Variants in UBR1 observed in about 807,000 individuals in gnomAD.
The protein encoded by UBR1 is ubiquitin protein ligase E3 component n-recognin 1.
In UBR1, 102 loss-of-function variants were observed where a neutral mutation model predicts 242.1. The ratio of observed to expected loss-of-function variants is 0.42; its 90% CI spans 0.36 to 0.50. The LOEUF (loss-of-function observed/expected upper bound fraction) is 0.50. Among genes scored for constraint, UBR1 ranks in the 20% least tolerant of loss-of-function variants. UBR1 has a pLI of 0.01. For missense variants in UBR1, 1,772 were observed against 2,101.8 expected (o/e 0.84, Z 3.07); for synonymous variants, 675 against 684.8 (o/e 0.99, Z 0.22).
chr15:43,074,211 C>A (rs2141349380), intron 4 of UBR1, among the ~76,000 whole-genome samples: 1 of 152,156 alleles, frequency 6.6e-6, no homozygotes, highest in South Asian at 2.1e-4. Context: ...ATTTGTGATT[C>A]TATGGTTATT....
At chr15:42,967,476 A>G (rs1201754784) in intron 40 of UBR1, among the ~76,000 whole-genome samples, 1 of 151,640 alleles carries the variant, frequency 6.6e-6, no homozygotes, top group African/African-American at 2.4e-5. Context: ...AAATTTATCA[A>G]TAACTAACCA....
chr15:42,979,645 G>A (rs924300820), intron 37 of UBR1, among the ~76,000 whole-genome samples: 3 of 151,960 alleles, frequency 2.0e-5, no homozygotes, highest in East Asian at 3.9e-4. Context: ...CCGCCTCCTC[G>A]GTTCAAGCAA....
rs1670162250 is a variant in UBR1, at chr15:43,059,801, G to A, written c.886C>T (p.His296Tyr). The change falls in exon 8 of 47, where the codon CAT becomes TAT. Residue 296 changes from histidine to tyrosine, a missense_variant. His to Tyr is a moderately conservative substitution (Grantham distance 83, BLOSUM62 2). This residue lies in a region of UBR1 where 734 missense variants were observed against 893.3 expected (regional missense o/e 0.82). Coordinates refer to ENST00000290650, the MANE Select transcript of UBR1 (RefSeq NM_174916.3). ...IKSHSENVSQ[H>Y]PLHVEVLHSE... is the part of the protein sequence containing the mutation. ...TGTAATACTTCTACATGAAGTGGATGTTGAGAGACATTTTCTGAATGACTC... is the reference window on the plus strand; with the variant it reads ...TGTAATACTTCTACATGAAGTGGATATTGAGAGACATTTTCTGAATGACTC... The A allele has an allele frequency of 6.2e-7, 1 of 1,613,956 alleles. No individual in the cohort carries two copies. Among genetic ancestry groups the A allele is most frequent in the Non-Finnish European group, 8.5e-7 (1 of 1,179,888 alleles).
intron 46 of UBR1, among the ~76,000 whole-genome samples, chr15:42,946,317 G>A (rs369938409): frequency 6.6e-6 from 1 of 152,184 alleles, no homozygotes; most frequent in African/African-American, 2.4e-5. Flanking sequence ...TAGTAGAGAC[G>A]GGGTTTCACA....
intron 3 of UBR1, among the ~76,000 whole-genome samples, 195 bp from the exon 4 acceptor site, chr15:43,075,284 A>C (rs1346687924): frequency 6.6e-6 from 1 of 152,244 alleles, no homozygotes; most frequent in East Asian, 1.9e-4. Flanking sequence ...AAACTTCCAA[A>C]TTCTGAATAC....
chr15:43,083,695 T>A (rs1010557384), intron 2 of UBR1, among the ~76,000 whole-genome samples: 1 of 152,076 alleles, frequency 6.6e-6, no homozygotes, highest in African/African-American at 2.4e-5. Context: ...ATTAATTTTT[T>A]AAATATCTTA....
chr15:43,047,754 ATG>A (rs964476797), intron 13 of UBR1, among the ~76,000 whole-genome samples: 2 of 152,212 alleles, frequency 1.3e-5, no homozygotes, highest in Admixed American at 1.3e-4. Context: ...CCAAAAAAAT[ATG>A]TGTTGTGCTT....
chr15:42,973,616 G>GGTGT (rs2032241287), intron 39 of UBR1, among the ~76,000 whole-genome samples: 1 of 151,520 alleles, frequency 6.6e-6, no homozygotes, highest in Non-Finnish European at 1.5e-5. Context: ...TTTAAATTGG[G>GGTGT]TTGTTTTCTT....
At chr15:42,950,818 G>C (rs754737666) in intron 45 of UBR1, among the ~76,000 whole-genome samples, 1 of 152,112 alleles carries the variant, frequency 6.6e-6, no homozygotes, top group African/African-American at 2.4e-5. Context: ...GGTTAGAGCT[G>C]GCCTGAAACA....
At chr15:43,071,415 A>G (rs2141347350) in intron 4 of UBR1, among the ~76,000 whole-genome samples, 1 of 152,322 alleles carries the variant, frequency 6.6e-6, no homozygotes, top group South Asian at 2.1e-4. Flanking sequence ...TAGTCATAAT[A>G]ATAGAAGCAG....
Position 43,015,808 on chromosome 15 carries a change from C to T in UBR1, c.3089G>A (p.Arg1030His), listed in dbSNP as rs764552375. Reference protein sequence around the residue: ...KRKAEAARLHRQKIMAQMSAL... With the variant: ...KRKAEAARLHHQKIMAQMSAL... ...AGACATCTGAGCCATGATCTTCTGG[C>T]GATGTAGCCTAGCAGCTTCAGCTTT... is the stretch of plus-strand genomic sequence containing the variant. The change falls in exon 29 of 47, where the codon CGC (arginine) becomes CAC (histidine). Residue 1030 changes from arginine to histidine, a missense_variant. Physicochemically the swap from Arg to His is conservative, Grantham distance 29 (BLOSUM62 0). Around this residue, in one of 3 missense-constraint regions of UBR1, gnomAD observed 965 missense variants for 1,079.7 expected, o/e 0.89. Transcript: ENST00000290650. 8 of 1,614,022 alleles carry T rather than the reference C, an allele frequency of 5.0e-6. No homozygotes were observed. Among genetic ancestry groups the T allele is most frequent in the South Asian group, 1.1e-5 (1 of 91,082 alleles).
intron 15 of UBR1, among the ~76,000 whole-genome samples, chr15:43,040,792 G>A (rs892465843): frequency 1.3e-5 from 2 of 152,192 alleles, no homozygotes; most frequent in African/African-American, 4.8e-5. Flanking sequence ...GATATGAACA[G>A]ACACTTCTCA....
At chr15:43,091,959 A>G in intron 1 of UBR1, 1 of 436,844 alleles carries the variant, frequency 2.3e-6, no homozygotes, top group Non-Finnish European at 4.5e-6. Flanking sequence ...GGTGGCACAT[A>G]CCTGTGGTCC....
chr15:43,068,715 T>C (rs935425807), intron 5 of UBR1, among the ~76,000 whole-genome samples: 6 of 151,898 alleles, frequency 4.0e-5, no homozygotes, highest in Non-Finnish European at 8.8e-5. Flanking sequence ...CCGCCTCCCG[T>C]GTTTAAGTGA....
intron 6 of UBR1, among the ~76,000 whole-genome samples, chr15:43,064,612 C>T (rs1447248598): frequency 2.7e-5 from 4 of 150,488 alleles, no homozygotes; most frequent in Non-Finnish European, 5.9e-5. Context: ...AATCTCGCTC[C>T]GTTGCCTAGG....
intron 10 of UBR1, 46 bp downstream of exon 10, chr15:43,058,295 A>C: frequency 8.5e-7 from 1 of 1,170,346 alleles, no homozygotes; most frequent in Non-Finnish European, 1.3e-6. Flanking sequence ...TCATTTATAA[A>C]AACTGCCTAT....
At chr15:43,007,760 T>C (rs2032855806) in intron 29 of UBR1, among the ~76,000 whole-genome samples, 2 of 152,208 alleles carry the variant, frequency 1.3e-5, no homozygotes, top group African/African-American at 4.8e-5. Context: ...CAGATCTGCA[T>C]CCTGCTCTAT....
chr15:42,960,558 C>G, intron 43 of UBR1, 87 bp downstream of exon 43: 1 of 1,330,430 alleles, frequency 7.5e-7, no homozygotes, highest in Non-Finnish European at 1.1e-6. Flanking sequence ...ATGAAGAAAG[C>G]AGACTAGAAA....
intron 29 of UBR1, 70 bp downstream of exon 29, chr15:43,015,618 G>T: frequency 1.3e-6 from 2 of 1,536,908 alleles, no homozygotes; most frequent in Non-Finnish European, 1.8e-6. Context: ...CCCTCTCGGA[G>T]AAACACCCAA....
Sources: gnomAD v4.1 joint callset for allele counts (sites outside exome capture counted in the v4.1 genomes callset) on GRCh38, gnomAD v4.1.1 for gene constraint, gnomAD v4.1.1 regional missense constraint, MANE v1.5 for transcripts, NCBI Gene and HGNC (gene_info 2026-07-23, HGNC 2026-07-21) for gene names.